The following PNKP variants were observed in gnomAD, a reference collection of about 807,000 sequenced individuals.
PNKP encodes the protein bifunctional polynucleotide phosphatase/kinase.
In PNKP, 82 loss-of-function variants were observed where a neutral mutation model predicts 66.2. The ratio of observed to expected loss-of-function variants is 1.24; its 90% CI spans 1.04 to 1.49. The LOEUF (loss-of-function observed/expected upper bound fraction) is 1.49, where lower values mean the gene tolerates loss of function less well. Among genes scored for constraint, PNKP ranks in the 40% most tolerant of loss-of-function variants. The pLI, the probability that PNKP is intolerant of heterozygous loss-of-function variation, is 0.00. For missense variants in PNKP, 907 were observed against 706.8 expected, an observed-to-expected ratio of 1.28 and a Z score of -3.21; for synonymous variants, 412 against 298.9, an observed-to-expected ratio of 1.38 and a Z score of -3.90.
Position 49,861,784 on chromosome 19 carries a change from G to T in PNKP, c.1286C>A (p.Ala429Glu), listed in dbSNP as rs769707108. Reference sequence around the variant, plus strand: ...GCGGTCACGCTACCTGGCGCGGCTCGCGGCGTCTGGGTTTGTGTTGTCGAT... The same window carrying T: ...GCGGTCACGCTACCTGGCGCGGCTCTCGGCGTCTGGGTTTGTGTTGTCGAT... The part of the protein sequence containing the change: ...VAIDNTNPDA[A>E]SRARYVQCAR... The change falls in exon 14 of 17, where the codon GCG becomes GAG. Residue 429 changes from alanine to glutamate, a missense_variant. Coordinates refer to ENST00000322344, the MANE Select transcript of PNKP (RefSeq NM_007254.4). The T allele has an allele frequency of 3.8e-6, 6 of 1,565,434 alleles. No individual in the cohort carries two copies. The highest frequency in any genetic ancestry group is 5.2e-6 in the Non-Finnish European group (6 of 1,158,584).
intron 1 of PNKP, 101 bp from the exon 2 acceptor site, chr19:49,867,318 C>A: frequency 8.0e-7 from 1 of 1,255,730 alleles, no homozygotes. Flanking sequence ...CCACCATTAA[C>A]TGCTCCGGAA....
chr19:49,863,646 G>GACCGGA (rs2074796586), intron 8 of PNKP, 43 bp downstream of exon 8: 4 of 1,461,504 alleles, frequency 2.7e-6, no homozygotes, highest in African/African-American at 1.4e-5. Context: ...TGAGGGGCTG[G>GACCGGA]AGTGAGGAAA....
intron 2 of PNKP, 84 bp from the exon 3 acceptor site, chr19:49,866,529 C>G (rs763221116): frequency 7.6e-7 from 1 of 1,311,230 alleles, no homozygotes; most frequent in Non-Finnish European, 1.1e-6. Context: ...CTGCTTCAGG[C>G]TATAGCATCC....
intron 11 of PNKP, 27 bp downstream of exon 11, chr19:49,862,344 A>G: frequency 1.9e-6 from 1 of 515,934 alleles, no homozygotes; most frequent in Non-Finnish European, 3.4e-6. Context: ...TCCCATCCCC[A>G]CCCCCACCCC....
chr19:49,863,841 G>A (rs188629681), intron 7 of PNKP, 81 bp from the exon 8 acceptor site: 13 of 1,408,452 alleles, frequency 9.2e-6, no homozygotes, highest in Non-Finnish European at 1.3e-5. Context: ...ATTTGTAGCT[G>A]ATGATGGGTT....
intron 8 of PNKP, 166 bp from the exon 9 acceptor site, chr19:49,862,904 C>A (rs1335564335): frequency 1.3e-6 from 1 of 756,808 alleles, no homozygotes; most frequent in Admixed American, 2.0e-5. Flanking sequence ...TGGCCCCCTC[C>A]CCCCTCCGTG....
chr19:49,867,141 TG>T lies in PNKP; in HGVS notation c.63del (p.Ile22SerfsTer17), dbSNP rs1568663209. ...GCTTGCCCGTCCGAGGGCAGGAAGA[TG>T]GGGGGCGCTCCCCCAGGGGGGCTCT... Reference protein sequence around the residue: ...WLESPPGGAPPIFLPSDGQAL... With the variant: ...WLESPPGGAPXIFLPSDGQAL... On this transcript the variant is annotated frameshift_variant, in exon 2 of 17. Transcript: ENST00000322344. LOFTEE classifies it high-confidence loss of function. 1.2e-6 allele frequency: 2 copies of T among 1,612,386 alleles called. No homozygotes were observed. The highest frequency in any genetic ancestry group is 1.3e-5 in the African/African-American group (1 of 75,026).
intron 1 of PNKP, 125 bp from the exon 2 acceptor site, chr19:49,867,342 G>A (rs1008945769): frequency 4.9e-6 from 5 of 1,030,266 alleles, no homozygotes; most frequent in Admixed American, 5.3e-5. Context: ...CCACCCGCTC[G>A]CCTTCCGCGG....
At position 49,861,579 on chromosome 19, in the gene PNKP, C is replaced by CG. The variant is rs557301449; in HGVS notation, c.1386+28dup. The CG allele has an allele frequency of 5.1e-4, 756 of 1,486,336 alleles. 3 individuals carry two copies. The East Asian group carries it at 5.2e-3, about 10-fold the overall frequency. 92.1% of individuals were successfully genotyped at this position (1,486,336 alleles called of 1,614,324 possible). A position where few individuals can be genotyped will look rare whatever the true frequency, so the allele number is the denominator to read the frequency against. Reference sequence around the variant, plus strand: ...AGGAGGGGGGTCAGGGGGTGCAGCCCGGGGGGTGTCCGGGCTGAGCGGGCT... The same window carrying CG: ...AGGAGGGGGGTCAGGGGGTGCAGCCCGGGGGGGTGTCCGGGCTGAGCGGGCT... On this transcript the variant is annotated intron_variant, in intron 15 of 16. Coordinates refer to ENST00000322344, the MANE Select transcript of PNKP (RefSeq NM_007254.4).
At position 49,867,487 on chromosome 19, in the gene PNKP, C is replaced by T. The variant is rs796052845; in HGVS notation, c.-32G>A. The stretch of plus-strand genomic sequence containing the variant: ...TACTCACCCGGGACCGCGGCTTGGG[C>T]TCACGGCCACTTCCGACCAGGGAGG... On this transcript the variant is annotated 5_prime_UTR_variant, in exon 1 of 17. Transcript: ENST00000322344. The T allele has an allele frequency of 2.0e-6, 1 of 496,320 alleles. No individual in the cohort carries two copies. The highest frequency in any genetic ancestry group is 3.6e-6 in the Non-Finnish European group (1 of 274,436). 30.7% of individuals were successfully genotyped at this position (496,320 alleles called of 1,614,324 possible). A position where few individuals can be genotyped will look rare whatever the true frequency, so the allele number is the denominator to read the frequency against.
chr19:49,865,485 A>G (rs1271534786), intron 3 of PNKP, 59 bp from the exon 4 acceptor site: 8 of 1,286,948 alleles, frequency 6.2e-6, no homozygotes, highest in Admixed American at 2.0e-5. Flanking sequence ...GCTTCCTCCA[A>G]TCAAATACCC....
In PNKP at chr19:49,861,674, G is replaced by A. The variant is rs565533397; in HGVS notation, c.1320C>T (p.Ala440=). The change falls in exon 15 of 17, where the codon GCC becomes GCT. Residue 440 remains alanine (A), a synonymous_variant. Coordinates refer to ENST00000322344, the MANE Select transcript of PNKP (RefSeq NM_007254.4). ...SRARYVQCAR[A]AGVPCRCFLF... Reference sequence around the variant, plus strand: ...GGAAGCAGCGGCAGGGGACGCCCGCGGCTCGGGCACACTGGACGTACCTGT... The same window carrying A: ...GGAAGCAGCGGCAGGGGACGCCCGCAGCTCGGGCACACTGGACGTACCTGT... 2.2e-5 allele frequency: 34 copies of A among 1,547,764 alleles called. No homozygotes were observed. The East Asian group carries it at 5.6e-4, about 26-fold the overall frequency.
In PNKP at chr19:49,867,132, G is replaced by A. The variant is rs772159079; in HGVS notation, c.73C>T (p.Pro25Ser). ...AGGACCAGGGCTTGCCCGTCCGAGG[G>A]CAGGAAGATGGGGGGCGCTCCCCCA... Reference protein sequence around the residue: ...PPGGAPPIFLPSDGQALVLGR... With the variant: ...PPGGAPPIFLSSDGQALVLGR... The change falls in exon 2 of 17, where the codon CCC (proline) becomes TCC (serine). Residue 25 changes from proline (P) to serine (S), a missense_variant. By Grantham distance (74) the Pro-to-Ser change is moderately conservative. Transcript: ENST00000322344. 2.5e-6 allele frequency: 4 copies of A among 1,613,108 alleles called. No homozygotes were observed. The highest frequency in any genetic ancestry group is 4.5e-5 in the East Asian group (2 of 44,872).
At position 49,861,232 on chromosome 19, in the gene PNKP, G is replaced by C; in HGVS notation, c.*16C>G. On this transcript the variant is annotated 3_prime_UTR_variant, in exon 17 of 17. Coordinates refer to ENST00000322344, the MANE Select transcript of PNKP (RefSeq NM_007254.4). ...AGGAGAAACAGCGTTTATTGTGGAG[G>C]GGAGCTGGGCGGGGCTCAGCCCTCG... is the stretch of plus-strand genomic sequence containing the variant. 6.6e-7 allele frequency: 1 copy of C among 1,506,660 alleles called. No homozygotes were observed. The highest frequency in any genetic ancestry group is 9.2e-7 in the Non-Finnish European group (1 of 1,082,566). 93.3% of individuals were successfully genotyped at this position (1,506,660 alleles called of 1,614,324 possible).
At chr19:49,865,641 G>A in intron 3 of PNKP, 1 of 552,942 alleles carries the variant, frequency 1.8e-6, no homozygotes, top group South Asian at 2.2e-5. Context: ...GGAGATATAG[G>A]CTTGTTTTGT....
rs1309576866 is a variant in PNKP, at chr19:49,861,683, A to G, written c.1311T>C (p.Cys437=). The part of the protein sequence containing the change: ...DAASRARYVQ[C]ARAAGVPCRC... ...GGCAGGGGACGCCCGCGGCTCGGGC[A>G]CACTGGACGTACCTGTGGGGGAAGG... The change falls in exon 15 of 17, where the codon TGT becomes TGC. Residue 437 remains cysteine (C), a synonymous_variant. Coordinates refer to ENST00000322344, the MANE Select transcript of PNKP (RefSeq NM_007254.4). The G allele has an allele frequency of 4.6e-5, 71 of 1,547,076 alleles. No homozygotes were observed. The highest frequency in any genetic ancestry group is 5.8e-5 in the Non-Finnish European group (67 of 1,146,236).
intron 3 of PNKP, chr19:49,865,683 G>C: frequency 2.0e-6 from 1 of 493,062 alleles, no homozygotes; most frequent in Non-Finnish European, 3.5e-6. Flanking sequence ...GTGCAATCTT[G>C]GCTCATTGAA....
intron 13 of PNKP, 51 bp from the exon 14 acceptor site, chr19:49,861,932 G>A (rs1246406766): frequency 6.4e-7 from 1 of 1,574,222 alleles, no homozygotes; most frequent in Non-Finnish European, 8.7e-7. Flanking sequence ...GGGGAGAGAA[G>A]ACCCCGAGCG....
rs771458611 is a variant in PNKP, at chr19:49,864,375, A to G, written c.527T>C (p.Leu176Pro). 5 of 1,614,002 alleles carry G rather than the reference A, an allele frequency of 3.1e-6. No homozygotes were observed. Among genetic ancestry groups the G allele is most frequent in the Non-Finnish European group, 4.2e-6 (5 of 1,179,928 alleles). Residue 176 changes from leucine (L) to proline (P), a missense_variant, in exon 5 of 17, where the codon CTC becomes CCC. Transcript: ENST00000322344. ...GACCTTCCCAGAGCGTGTGGTGATG[A>G]GCGTCCCGTCCAGATCAAAGCCAGC... Reference protein sequence around the residue: ...KVAGFDLDGTLITTRSGKVFP... With the variant: ...KVAGFDLDGTPITTRSGKVFP...
Sources: gnomAD v4.1 joint callset for allele counts on GRCh38, gnomAD v4.1.1 for gene constraint, MANE v1.5 for transcripts, NCBI Gene and HGNC (gene_info 2026-07-23, HGNC 2026-07-21) for gene names.